The following MTHFD2L variants were observed in gnomAD, a reference collection of about 807,000 sequenced individuals.
The protein encoded by MTHFD2L is methylenetetrahydrofolate dehydrogenase (NADP+ dependent) 2 like.
Under a neutral mutation model 34.9 loss-of-function variants are expected in MTHFD2L, and 29 were observed. The observed-to-expected ratio is 0.83, with a 90% CI of 0.62 to 1.13. MTHFD2L has a LOEUF of 1.13. MTHFD2L is among the 50% of genes most tolerant of loss of function. The pLI, the probability that MTHFD2L is intolerant of heterozygous loss-of-function variation, is 0.00. For synonymous variants in MTHFD2L, 167 were observed against 155.7 expected, an observed-to-expected ratio of 1.07 and a Z score of -0.54; for missense variants, 481 against 446.5, an observed-to-expected ratio of 1.08 and a Z score of -0.70.
At chr4:74,220,598 A>G (rs920456071) in intron 5 of MTHFD2L, among the ~76,000 whole-genome samples, 1 of 151,752 alleles carries the variant, frequency 6.6e-6, no homozygotes, top group Non-Finnish European at 1.5e-5. Context: ...TCTTATTTAT[A>G]TCTTTTGGTG....
At chr4:74,151,098 TATATAG>T (rs1241406298) in intron 1 of MTHFD2L, among the ~76,000 whole-genome samples, 63 of 152,206 alleles carry the variant, frequency 4.1e-4, no homozygotes, top group African/African-American at 1.4e-3. Context: ...TATTGACATG[TATATAG>T]ATATATACAG....
chr4:74,156,825 CA>C (rs1724304459), upstream of MTHFD2L: 1 of 151,724 alleles, frequency 6.6e-6, no homozygotes, highest in Non-Finnish European at 1.5e-5. Context: ...AATATTTTTC[CA>C]TTTTTTTTGA....
In MTHFD2L at chr4:74,208,082, A is replaced by G. The variant is rs143129165; in HGVS notation, c.712+6712A>G. On this transcript the variant is annotated intron_variant, in intron 5 of 7. Coordinates refer to ENST00000325278, the MANE Select transcript of MTHFD2L (RefSeq NM_001144978.3). ...TTGTCTAACTGGGACAGGGGATGGCAGGTATTTAGTCTCTGCCACTCTCAT... is the reference window on the plus strand; with the variant it reads ...TTGTCTAACTGGGACAGGGGATGGCGGGTATTTAGTCTCTGCCACTCTCAT... 5.1e-3 allele frequency among the ~76,000 whole-genome samples: 770 copies of G among 152,188 alleles called. 7 individuals carry two copies. The highest frequency in any genetic ancestry group is 0.018 in the African/African-American group (729 of 41,524).
intron 6 of MTHFD2L, among the ~76,000 whole-genome samples, chr4:74,258,389 AAC>A (rs141804252): frequency 4.8e-4 from 71 of 148,484 alleles, no homozygotes; most frequent in African/African-American, 5.6e-4. Context: ...ATAGGCACAT[AAC>A]ACACACACAC....
intron 7 of MTHFD2L, among the ~76,000 whole-genome samples, chr4:74,300,717 G>T (rs1381530271): frequency 6.6e-6 from 1 of 151,998 alleles, no homozygotes; most frequent in Non-Finnish European, 1.5e-5. Context: ...AGAGTTATCT[G>T]CCATTTTCTT....
At chr4:74,160,067 G>C (rs1246374825) in intron 1 of MTHFD2L, 1 of 1,289,180 alleles carries the variant, frequency 7.8e-7, no homozygotes, top group Non-Finnish European at 1.0e-6. Flanking sequence ...CCAGCAGAGA[G>C]AAGAGATTCC....
intron 5 of MTHFD2L, among the ~76,000 whole-genome samples, chr4:74,218,591 A>C (rs1162916001): frequency 6.6e-6 from 1 of 150,728 alleles, no homozygotes; most frequent in Non-Finnish European, 1.5e-5. Flanking sequence ...AGAACAGTGA[A>C]TTCCTCATTA....
chr4:74,298,841 T>C (rs1749945163), intron 7 of MTHFD2L, among the ~76,000 whole-genome samples: 1 of 152,046 alleles, frequency 6.6e-6, no homozygotes, highest in African/African-American at 2.4e-5. Context: ...GTCATGATAA[T>C]ACAGTTGCAT....
chr4:74,211,660 C>T (rs942577730), intron 5 of MTHFD2L, among the ~76,000 whole-genome samples: 2 of 152,090 alleles, frequency 1.3e-5, no homozygotes, highest in African/African-American at 2.4e-5. Flanking sequence ...TTTGTTGTGT[C>T]TCTGCCAGGT....
chr4:74,238,253 A>G (rs1203736293), intron 6 of MTHFD2L, among the ~76,000 whole-genome samples: 1 of 152,186 alleles, frequency 6.6e-6, no homozygotes, highest in Non-Finnish European at 1.5e-5. Context: ...TGGTTCTGAA[A>G]TAGAGCAGTT....
intron 1 of MTHFD2L, among the ~76,000 whole-genome samples, chr4:74,141,358 A>G (rs1376907804): frequency 6.6e-6 from 1 of 152,254 alleles, no homozygotes; most frequent in African/African-American, 2.4e-5. Context: ...TCAAAGGCTG[A>G]GGTACGAATG....
At chr4:74,155,544 T>C (rs1052809044), upstream of MTHFD2L, among the ~76,000 whole-genome samples, 1 of 152,170 alleles carries the variant, frequency 6.6e-6, no homozygotes, top group African/African-American at 2.4e-5. Flanking sequence ...GAGAATTGTT[T>C]GTTAATTACA....
At position 74,302,612 on chromosome 4, in the gene MTHFD2L, T is replaced by A. The variant is rs570556130; in HGVS notation, c.*803T>A. ...CCTTCACTGAGCAATAGTGGAAAAA[T>A]AAAAAAATAAGTAAACAGAAAAAAC... On this transcript the variant is annotated 3_prime_UTR_variant, in exon 8 of 8. Transcript: ENST00000325278. 4.0e-5 allele frequency: 6 copies of A among 151,812 alleles called. No homozygotes were observed. The highest frequency in any genetic ancestry group is 7.4e-5 in the Non-Finnish European group (5 of 67,902). 9.4% of individuals were successfully genotyped at this position (151,812 alleles called of 1,614,324 possible).
intron 1 of MTHFD2L, among the ~76,000 whole-genome samples, chr4:74,140,977 G>A (rs1216404325): frequency 6.6e-6 from 1 of 152,198 alleles, no homozygotes; most frequent in East Asian, 1.9e-4. Context: ...GAAGATATTT[G>A]TGGGTTTTTA....
chr4:74,250,608 T>C (rs1301580760), intron 6 of MTHFD2L, among the ~76,000 whole-genome samples: 2 of 152,220 alleles, frequency 1.3e-5, no homozygotes, highest in African/African-American at 4.8e-5. Context: ...ATTTCCTGGA[T>C]AGTGCTAAAA....
upstream of MTHFD2L, among the ~76,000 whole-genome samples, chr4:74,119,719 C>T (rs1005457383): frequency 1.3e-5 from 2 of 151,926 alleles, no homozygotes; most frequent in Non-Finnish European, 1.5e-5. Context: ...AGAGGCAGAG[C>T]TTCCAGTGAG....
chr4:74,186,479 G>A (rs2110003963), intron 3 of MTHFD2L, among the ~76,000 whole-genome samples: 1 of 135,234 alleles, frequency 7.4e-6, no homozygotes, highest in South Asian at 2.4e-4. Context: ...GTACTAATAA[G>A]TGAGTTTAGC....
intron 7 of MTHFD2L, among the ~76,000 whole-genome samples, chr4:74,298,295 G>A (rs1749871249): frequency 6.6e-6 from 1 of 152,126 alleles, no homozygotes; most frequent in Middle Eastern, 3.4e-3. Flanking sequence ...GTTCAGAGAA[G>A]CCCTAGCCCA....
chr4:74,149,211 T>G lies in MTHFD2L; in HGVS notation c.-296-10844T>G, dbSNP rs542275758. ...AGCAGTTTCAGTGGTTTCCTGCTGTTGGGTTATTTTGTATCCTTTTTGGCT... is the reference window on the plus strand; with the variant it reads ...AGCAGTTTCAGTGGTTTCCTGCTGTGGGGTTATTTTGTATCCTTTTTGGCT... On this transcript the variant is annotated intron_variant, in intron 1 of 7. Coordinates refer to the MTHFD2L transcript ENST00000433372. Among the ~76,000 whole-genome samples, 6 of 151,978 alleles carry G rather than the reference T, an allele frequency of 3.9e-5. No homozygotes were observed. In the South Asian group the frequency reaches 1.3e-3, roughly 32 times the overall value.
Sources: gnomAD v4.1 joint callset for allele counts (sites outside exome capture counted in the v4.1 genomes callset) on GRCh38, gnomAD v4.1.1 for gene constraint, MANE v1.5 for transcripts, NCBI Gene and HGNC (gene_info 2026-07-23, HGNC 2026-07-21) for gene names.